UGGT2: variants seen among roughly 807,000 people sequenced by gnomAD.
UGGT2 encodes UDP-glucose:glycoprotein glucosyltransferase 2.
A neutral mutation model predicts 192.1 loss-of-function variants in UGGT2; 180 were observed. That is an observed-to-expected ratio of 0.94 (90% CI 0.83 to 1.06). The LOEUF (loss-of-function observed/expected upper bound fraction) is 1.06. Among genes scored for constraint, UGGT2 ranks in the 50% least tolerant of loss-of-function variants. The pLI is 0.00. For missense variants in UGGT2, 1,849 were observed against 1,795.7 expected (o/e 1.03, Z -0.54); for synonymous variants, 580 against 591.0 (o/e 0.98, Z 0.27).
At chr13:95,976,152 T>C (rs2140822521) in intron 10 of UGGT2, among the ~76,000 whole-genome samples, 1 of 152,320 alleles carries the variant, frequency 6.6e-6, no homozygotes, top group Admixed American at 6.5e-5. Context: ...GATCAGTGTT[T>C]TTAGCTCTCA....
At chr13:95,852,889 GAA>G (rs1889189933) in intron 36 of UGGT2, among the ~76,000 whole-genome samples, 2 of 152,068 alleles carry the variant, frequency 1.3e-5, no homozygotes. Context: ...CACAATGATG[GAA>G]AAGAGTAAGA....
intron 38 of UGGT2, among the ~76,000 whole-genome samples, chr13:95,811,266 T>G (rs1231309660): frequency 6.6e-6 from 1 of 152,048 alleles, no homozygotes; most frequent in Non-Finnish European, 1.5e-5. Context: ...CCAAGGAAAA[T>G]GAAAACATAA....
chr13:95,862,241 A>G (rs1890231324), intron 31 of UGGT2, among the ~76,000 whole-genome samples: 1 of 152,218 alleles, frequency 6.6e-6, no homozygotes. Flanking sequence ...ACTGGGCAAA[A>G]TCCAAAATGA....
intron 2 of UGGT2, among the ~76,000 whole-genome samples, chr13:96,028,601 T>G (rs907963190): frequency 6.6e-6 from 1 of 152,206 alleles, no homozygotes; most frequent in Non-Finnish European, 1.5e-5. Context: ...GGCAATTCAT[T>G]GCTTAAAAAG....
chr13:95,874,569 G>C (rs1441472218), intron 29 of UGGT2, among the ~76,000 whole-genome samples: 1 of 152,138 alleles, frequency 6.6e-6, no homozygotes. Context: ...TGTAGGATTT[G>C]TTTATTTCTG....
At chr13:96,033,159 A>G (rs768421574) in intron 1 of UGGT2, among the ~76,000 whole-genome samples, 2 of 152,240 alleles carry the variant, frequency 1.3e-5, no homozygotes, top group Non-Finnish European at 2.9e-5. Context: ...AAATGGAAAA[A>G]CATTCCATGC....
At chr13:95,892,595 T>C (rs973190693) in intron 24 of UGGT2, among the ~76,000 whole-genome samples, 6 of 152,178 alleles carry the variant, frequency 3.9e-5, no homozygotes, top group South Asian at 2.1e-4. Context: ...GCCGTTGCAA[T>C]AGAAAACTCT....
At chr13:96,010,787 GA>G (rs2052137634) in intron 5 of UGGT2, among the ~76,000 whole-genome samples, 1 of 152,122 alleles carries the variant, frequency 6.6e-6, no homozygotes, top group Non-Finnish European at 1.5e-5. Flanking sequence ...AAGTTCACAA[GA>G]AGAGACAAAG....
Position 95,884,658 on chromosome 13 carries a change from G to A in UGGT2, c.3061C>T (p.Pro1021Ser). 6.2e-7 allele frequency: 1 copy of A among 1,611,704 alleles called. No individual in the cohort carries two copies. Among genetic ancestry groups the A allele is most frequent in the Non-Finnish European group, 8.5e-7 (1 of 1,179,244 alleles). ...TCATTAGCCCCTGACATCAGTTCTG[G>A]TTCCAGAACAAAACGGTAAAAGCTG... ...LESFYRFVLEPELMSGANDVS... is the reference protein window; with the variant it reads ...LESFYRFVLESELMSGANDVS... The change falls in exon 27 of 39, where the codon CCA becomes TCA. Residue 1021 changes from proline to serine, a missense_variant. Pro to Ser is a moderately conservative substitution (Grantham distance 74). Coordinates refer to ENST00000376747, the MANE Select transcript of UGGT2 (RefSeq NM_020121.4).
intron 16 of UGGT2, among the ~76,000 whole-genome samples, chr13:95,938,011 T>C (rs2049523860): frequency 1.3e-5 from 2 of 152,202 alleles, no homozygotes; most frequent in Admixed American, 6.5e-5. Context: ...TGAATATGTC[T>C]CATGAGATCT....
intron 12 of UGGT2, among the ~76,000 whole-genome samples, chr13:95,967,556 C>A (rs2050627512): frequency 1.3e-5 from 2 of 150,100 alleles, no homozygotes; most frequent in Admixed American, 6.7e-5. Context: ...TCACTGCAAC[C>A]TCCACCTCTC....
chr13:95,899,124 C>T (rs2048031063), intron 22 of UGGT2, among the ~76,000 whole-genome samples: 1 of 152,138 alleles, frequency 6.6e-6, no homozygotes, highest in Admixed American at 6.6e-5. Flanking sequence ...TACTTTCCAC[C>T]ATGTAAAAAC....
At chr13:95,892,588 G>A (rs375841552) in intron 24 of UGGT2, among the ~76,000 whole-genome samples, 1 of 152,012 alleles carries the variant, frequency 6.6e-6, no homozygotes, top group East Asian at 1.9e-4. Context: ...CAAACAGGCC[G>A]TTGCAATAGA....
intron 36 of UGGT2, among the ~76,000 whole-genome samples, chr13:95,853,114 C>G (rs1889214682): frequency 6.6e-6 from 1 of 152,174 alleles, no homozygotes; most frequent in African/African-American, 2.4e-5. Context: ...CACTCATTCT[C>G]TCTCCTGCCA....
intron 1 of UGGT2, among the ~76,000 whole-genome samples, chr13:96,045,276 A>C (rs1462736127): frequency 6.6e-6 from 1 of 152,196 alleles, no homozygotes; most frequent in African/African-American, 2.4e-5. Flanking sequence ...CATTTGACAA[A>C]ATCAAGCACC....
intron 22 of UGGT2, among the ~76,000 whole-genome samples, chr13:95,897,712 C>T (rs1055935607): frequency 1.3e-5 from 2 of 152,172 alleles, no homozygotes; most frequent in South Asian, 4.1e-4. Context: ...CATTATCGCT[C>T]ATAAACCACA....
chr13:95,949,549 C>T (rs1443409543), intron 12 of UGGT2, 95 bp from the exon 13 acceptor site: 1 of 1,193,206 alleles, frequency 8.4e-7, no homozygotes, highest in East Asian at 2.9e-5. Flanking sequence ...TAAAAATATA[C>T]ATAGAATTTT....
intron 20 of UGGT2, among the ~76,000 whole-genome samples, chr13:95,916,173 C>A (rs12865249): frequency 0.019 from 2,918 of 152,256 alleles, 52 homozygotes; most frequent in Non-Finnish European, 0.03. Context: ...TCTGTACCCC[C>A]CTAGGACAGA....
At chr13:95,922,527 A>G (rs2048878458) in intron 20 of UGGT2, among the ~76,000 whole-genome samples, 1 of 152,240 alleles carries the variant, frequency 6.6e-6, no homozygotes. Context: ...AATACAAATA[A>G]GAAGCCATCT....
Sources: gnomAD v4.1 joint callset for allele counts (sites outside exome capture counted in the v4.1 genomes callset) on GRCh38, gnomAD v4.1.1 for gene constraint, MANE v1.5 for transcripts, NCBI Gene and HGNC (gene_info 2026-07-23, HGNC 2026-07-21) for gene names.